The following TAF11 variants were observed in gnomAD, a reference collection of about 807,000 sequenced individuals.
TAF11 encodes transcription initiation factor TFIID subunit 11.
TAF11 carries 10 observed loss-of-function variants against 23.0 expected under a neutral mutation model. The ratio of observed to expected loss-of-function variants is 0.43; its 90% CI spans 0.27 to 0.74. The LOEUF is 0.74. Ranked by LOEUF, TAF11 falls within the 30% of genes least tolerant of loss-of-function variation. TAF11 has a pLI of 0.19. For missense variants in TAF11, 196 were observed against 261.7 expected, an observed-to-expected ratio of 0.75 and a Z score of 1.73; for synonymous variants, 85 against 95.8, an observed-to-expected ratio of 0.89 and a Z score of 0.66.
intron 1 of TAF11, among the ~76,000 whole-genome samples, chr6:34,884,118 T>A (rs897257487): frequency 6.6e-6 from 1 of 152,226 alleles, no homozygotes; most frequent in East Asian, 1.9e-4. Context: ...TCCACACTTA[T>A]GTTCATTGCA....
At position 34,880,087 on chromosome 6, in the gene TAF11, G is replaced by A. The variant is rs1297200331; in HGVS notation, c.409-24C>T. ...AGCTTGAAAGAAGCACAAAGACTCC[G>A]TGATCACAATAGTCAAAGACTGGCT... On this transcript the variant is annotated intron_variant, in intron 3 of 4. Coordinates refer to ENST00000361288, the MANE Select transcript of TAF11 (RefSeq NM_005643.4). This position sits in a 1 kb window ranked among gnomAD's most constrained non-coding sequence, Gnocchi z 4.8. 10 of 1,605,372 alleles carry A rather than the reference G, an allele frequency of 6.2e-6. No homozygotes were observed. Among genetic ancestry groups the A allele is most frequent in the African/African-American group, 1.3e-5 (1 of 74,834 alleles).
chr6:34,883,223 G>A (rs908757312), intron 1 of TAF11, 143 bp from the exon 2 acceptor site: 1 of 749,210 alleles, frequency 1.3e-6, no homozygotes, highest in Non-Finnish European at 2.1e-6. Context: ...GTACCATCAA[G>A]GATAAGATAC....
At chr6:34,886,616 C>A (rs948526035) in intron 1 of TAF11, among the ~76,000 whole-genome samples, 4 of 151,988 alleles carry the variant, frequency 2.6e-5, no homozygotes, top group Non-Finnish European at 5.9e-5. Context: ...CAGGCGCCCG[C>A]CACCATGCCC....
In TAF11 at chr6:34,887,726, G is replaced by A. The variant is rs1047770378; in HGVS notation, c.171+61C>T. On this transcript the variant is annotated intron_variant, in intron 1 of 4. Coordinates refer to ENST00000361288, the MANE Select transcript of TAF11 (RefSeq NM_005643.4). Reference sequence around the variant, plus strand: ...GTTAGGGACTAACCAGAAGCCCGGCGAGCAGCCAGTAACACAATCTCTGGG... The same window carrying A: ...GTTAGGGACTAACCAGAAGCCCGGCAAGCAGCCAGTAACACAATCTCTGGG... 1.9e-5 allele frequency: 31 copies of A among 1,603,002 alleles called. No individual in the cohort carries two copies. The African/African-American group carries it at 3.1e-4, about 16-fold the overall frequency.
At position 34,883,063 on chromosome 6, in the gene TAF11, G is replaced by A. The variant is rs768083724; in HGVS notation, c.189C>T (p.Val63=). ...CCCTTTCAACTGTTGTTAAATCTGA[G>A]ACATCCTGACTCTCGAGCTGGGAAG... ...AEEGELESQD[V]SDLTTVERED... Residue 63 remains valine (V), a synonymous_variant, in exon 2 of 5, where the codon GTC becomes GTT. Transcript: ENST00000361288. The A allele has an allele frequency of 4.4e-6, 7 of 1,608,908 alleles. No homozygotes were observed. Among genetic ancestry groups the A allele is most frequent in the Non-Finnish European group, 5.9e-6 (7 of 1,178,640 alleles).
At position 34,879,968 on chromosome 6, in the gene TAF11, T is replaced by A. The variant is rs1433235550; in HGVS notation, c.504A>T (p.Glu168Asp). Reference sequence around the variant, plus strand: ...GTATTTGTAACCAACACTACTCACCTTCTTCTACCACCTCCCCGACGAAAA... The same window carrying A: ...GTATTTGTAACCAACACTACTCACCATCTTCTACCACCTCCCCGACGAAAA... ...SKVFVGEVVE[E>D]ALDVCEKWGE... is the part of the protein sequence containing the mutation. Residue 168 changes from glutamate to aspartate, a missense_variant and splice_region_variant, in exon 4 of 5, where the codon GAA becomes GAT. Transcript: ENST00000361288. 15 of 1,613,720 alleles carry A rather than the reference T, an allele frequency of 9.3e-6. No homozygotes were observed. The highest frequency in any genetic ancestry group is 3.3e-5 in the Admixed American group (2 of 60,002).
At chr6:34,879,172 T>G (rs1355967561) in intron 4 of TAF11, 1 of 162,902 alleles carries the variant, frequency 6.1e-6, no homozygotes, top group Admixed American at 6.5e-5. Flanking sequence ...ATCAAGGCAC[T>G]CCAGCCTGGG....
intron 4 of TAF11, 67 bp downstream of exon 4, chr6:34,879,900 G>C (rs1766388638): frequency 6.4e-7 from 1 of 1,560,982 alleles, no homozygotes; most frequent in South Asian, 1.2e-5. Context: ...AAGCTCCTTT[G>C]TGTAGATATT....
At position 34,878,321 on chromosome 6, in the gene TAF11, G is replaced by A. The variant is rs529551017; in HGVS notation, c.*269C>T. On this transcript the variant is annotated 3_prime_UTR_variant, in exon 5 of 5. Coordinates refer to ENST00000361288, the MANE Select transcript of TAF11 (RefSeq NM_005643.4). The stretch of plus-strand genomic sequence containing the variant: ...AAAGCAGTTCCCCTGTCCAGAAGAT[G>A]CTTATGGCCCACGTATCTTCTTCCA... 3.8e-5 allele frequency: 15 copies of A among 396,020 alleles called. No homozygotes were observed. The highest frequency in any genetic ancestry group is 5.5e-5 in the Non-Finnish European group (12 of 217,684). 24.5% of individuals were successfully genotyped at this position (396,020 alleles called of 1,614,324 possible).
chr6:34,883,649 T>C (rs1291646213), intron 1 of TAF11, among the ~76,000 whole-genome samples: 2 of 152,232 alleles, frequency 1.3e-5, no homozygotes, highest in African/African-American at 4.8e-5. Flanking sequence ...TACTAGTCTT[T>C]TTGAAGATAG....
chr6:34,887,659 C>G, intron 1 of TAF11, 128 bp downstream of exon 1: 1 of 1,160,878 alleles, frequency 8.6e-7, no homozygotes, highest in Non-Finnish European at 1.3e-6. Flanking sequence ...TCAAGATTAA[C>G]GATCTGGAGG....
chr6:34,883,054 T>C lies in TAF11; in HGVS notation c.198A>G (p.Leu66=), dbSNP rs1766471279. The change falls in exon 2 of 5, where the codon TTA becomes TTG. Residue 66 remains leucine (L), a synonymous_variant. Transcript: ENST00000361288. ...ATGAGTCTTCCCTTTCAACTGTTGT[T>C]AAATCTGAGACATCCTGACTCTCGA... The part of the protein sequence containing the change: ...GELESQDVSD[L]TTVEREDSSL... 6.2e-7 allele frequency: 1 copy of C among 1,610,230 alleles called. No homozygotes were observed. Among genetic ancestry groups the C allele is most frequent in the Non-Finnish European group, 8.5e-7 (1 of 1,178,976 alleles).
chr6:34,879,350 C>T (rs868187139), intron 4 of TAF11: 68 of 957,062 alleles, frequency 7.1e-5, no homozygotes, highest in Non-Finnish European at 8.2e-5. Context: ...ACCACTGTTA[C>T]CATCTCATTT....
chr6:34,880,174 C>A lies in TAF11; in HGVS notation c.409-111G>T. ...AAGATAACTGAAGTGCATTTTTTTT[C>A]CCACCTAAATAATCCCCTGACTTGT... On this transcript the variant is annotated intron_variant, in intron 3 of 4. Coordinates refer to ENST00000361288, the MANE Select transcript of TAF11 (RefSeq NM_005643.4). This position sits in a 1 kb window ranked among gnomAD's most constrained non-coding sequence, Gnocchi z 4.8. 1 of 1,513,600 alleles carries A rather than the reference C, an allele frequency of 6.6e-7. No homozygotes were observed. Among genetic ancestry groups the A allele is most frequent in the Non-Finnish European group, 9.1e-7 (1 of 1,096,370 alleles). 93.8% of individuals were successfully genotyped at this position (1,513,600 alleles called of 1,614,324 possible). A position where few individuals can be genotyped will look rare whatever the true frequency, so the allele number is the denominator to read the frequency against.
chr6:34,883,170 CAA>C, intron 1 of TAF11, 90 bp from the exon 2 acceptor site: 2 of 1,361,948 alleles, frequency 1.5e-6, no homozygotes, highest in Non-Finnish European at 2.0e-6. Context: ...CACAAAACAA[CAA>C]ATCCATTTAT....
chr6:34,878,759 A>G (rs1428392818), intron 4 of TAF11, 39 bp from the exon 5 acceptor site: 3 of 1,539,236 alleles, frequency 1.9e-6, no homozygotes, highest in East Asian at 2.2e-5. Context: ...TTATCACACA[A>G]TAATTTACTA....
intron 1 of TAF11, among the ~76,000 whole-genome samples, chr6:34,885,780 G>C (rs1040491889): frequency 6.6e-6 from 1 of 151,964 alleles, no homozygotes; most frequent in Non-Finnish European, 1.5e-5. Flanking sequence ...TTGGAGACCA[G>C]ACTGGGCAAC....
chr6:34,885,598 G>A (rs368844063), intron 1 of TAF11, among the ~76,000 whole-genome samples: 7 of 151,904 alleles, frequency 4.6e-5, no homozygotes, highest in Non-Finnish European at 8.8e-5. Context: ...TCCTCTGTTC[G>A]GTGCAAATTT....
chr6:34,887,701 G>T, intron 1 of TAF11, 86 bp downstream of exon 1: 1 of 1,532,050 alleles, frequency 6.5e-7, no homozygotes, highest in Non-Finnish European at 9.0e-7. Context: ...CTCGTAACTT[G>T]TTAGGGACTA....
Sources: allele counts gnomAD v4.1 joint callset (sites outside exome capture counted in the v4.1 genomes callset), GRCh38; gene constraint gnomAD v4.1.1; non-coding constraint Gnocchi (gnomAD v3.1); transcripts MANE v1.5; gene names NCBI Gene and HGNC (gene_info 2026-07-23, HGNC 2026-07-21).